The following CLEC16A variants were observed in gnomAD, a reference collection of about 807,000 sequenced individuals.
The protein encoded by CLEC16A is protein CLEC16A.
In CLEC16A, 51 loss-of-function variants were observed where a neutral mutation model predicts 109.5. The observed-to-expected ratio is 0.47, with a 90% CI of 0.37 to 0.59. The LOEUF (loss-of-function observed/expected upper bound fraction) is 0.59, where lower values mean the gene tolerates loss of function less well. Ranked by LOEUF, CLEC16A falls within the 20% of genes least tolerant of loss-of-function variation. The pLI is 0.00. For synonymous variants in CLEC16A, 673 were observed against 564.2 expected, an observed-to-expected ratio of 1.19 and a Z score of -2.73; for missense variants, 1,339 against 1,394.0, an observed-to-expected ratio of 0.96 and a Z score of 0.63.
intron 20 of CLEC16A, among the ~76,000 whole-genome samples, chr16:11,123,275 A>G (rs972812076): frequency 1.5e-4 from 23 of 152,188 alleles, no homozygotes; most frequent in African/African-American, 5.1e-4. Flanking sequence ...ATGGTTGCCA[A>G]CGATGTCCCC....
In CLEC16A at chr16:10,959,813, G is replaced by C. The variant is rs147947599; in HGVS notation, c.209+1903G>C. On this transcript the variant is annotated intron_variant, in intron 2 of 23. Transcript: ENST00000409790. ...TTTTTTTTAGAGACAGGGTCTTGCT[G>C]TGTTGCCAGGGCTGGTCTCAAACTC... is the stretch of plus-strand genomic sequence containing the variant. Among the ~76,000 whole-genome samples, 5 of 150,940 alleles carry C rather than the reference G, an allele frequency of 3.3e-5. No individual in the cohort carries two copies. In the East Asian group the frequency reaches 9.7e-4, roughly 29 times the overall value.
At chr16:11,075,185 C>T (rs1380299345) in intron 19 of CLEC16A, among the ~76,000 whole-genome samples, 1 of 152,132 alleles carries the variant, frequency 6.6e-6, no homozygotes, top group Non-Finnish European at 1.5e-5. Context: ...GGAAATGGGA[C>T]CATGGTTTTG....
intron 20 of CLEC16A, among the ~76,000 whole-genome samples, chr16:11,122,314 A>T (rs2052480296): frequency 6.6e-6 from 1 of 152,252 alleles, no homozygotes; most frequent in South Asian, 2.1e-4. Context: ...CATTTAAAAG[A>T]AACACTCCAT....
At chr16:10,982,845 T>C (rs764425277) in intron 9 of CLEC16A, 33 bp from the exon 10 acceptor site, 3 of 1,299,472 alleles carry the variant, frequency 2.3e-6, no homozygotes, top group Non-Finnish European at 3.3e-6. Context: ...CCGCACACTT[T>C]CATGCAAATC....
At chr16:10,947,896 C>G (rs186062758) in intron 1 of CLEC16A, among the ~76,000 whole-genome samples, 1 of 146,988 alleles carries the variant, frequency 6.8e-6, no homozygotes, top group Non-Finnish European at 1.5e-5. Context: ...TGGAAACCCT[C>G]TTCTTTTTTT....
chr16:11,022,847 C>T (rs920119236), intron 12 of CLEC16A, among the ~76,000 whole-genome samples: 4 of 149,818 alleles, frequency 2.7e-5, no homozygotes, highest in Admixed American at 1.3e-4. Context: ...TGCAGTGAGC[C>T]GAGATCACAC....
At chr16:10,949,389 C>T (rs1467060521) in intron 1 of CLEC16A, among the ~76,000 whole-genome samples, 1 of 152,070 alleles carries the variant, frequency 6.6e-6, no homozygotes, top group Admixed American at 6.6e-5. Flanking sequence ...GTTAGGCAGA[C>T]GCTGTTTAAA....
At chr16:11,081,242 A>G (rs2049697813) in intron 19 of CLEC16A, among the ~76,000 whole-genome samples, 2 of 152,078 alleles carry the variant, frequency 1.3e-5, no homozygotes, top group Non-Finnish European at 1.5e-5. Flanking sequence ...AGAAACAGCA[A>G]CCTTTTGTCC....
At position 11,178,971 on chromosome 16, in the gene CLEC16A, G is replaced by A. The variant is rs2068875380; in HGVS notation, c.*281G>A. The A allele has an allele frequency of 5.2e-6, 2 of 383,274 alleles. No individual in the cohort carries two copies. 23.7% of individuals were successfully genotyped at this position (383,274 alleles called of 1,614,324 possible). A position where few individuals can be genotyped will look rare whatever the true frequency, so the allele number is the denominator to read the frequency against. ...ACTCAGGGAGCTGCCTGGGCTCCGT[G>A]TCTCTGAGCCCCGGGTGGCAGGACC... On this transcript the variant is annotated 3_prime_UTR_variant, in exon 24 of 24. Transcript: ENST00000409790. This position sits in a 1 kb window ranked among gnomAD's most constrained non-coding sequence, Gnocchi z 6.5.
chr16:11,170,774 A>G (rs1423238164), intron 23 of CLEC16A, among the ~76,000 whole-genome samples: 1 of 152,228 alleles, frequency 6.6e-6, no homozygotes, highest in Non-Finnish European at 1.5e-5. Flanking sequence ...TGTGGCAAAA[A>G]GCATGATCTT....
At chr16:11,119,544 C>T (rs1488538792) in intron 19 of CLEC16A, among the ~76,000 whole-genome samples, 1 of 152,104 alleles carries the variant, frequency 6.6e-6, no homozygotes. Context: ...GTGTGGGCCA[C>T]CACACTCAAC....
rs1047734811 is a variant in CLEC16A, at chr16:10,962,524, G to A, written c.279G>A (p.Val93=). ...TGCGGCAAAAGTCGGGCCGTTACGT[G>A]TGCGTTCAGCTGCTGCAGACCTTGA... ...NILRQKSGRY[V]CVQLLQTLNI... is the part of the protein sequence containing the mutation. Residue 93 remains valine, a synonymous_variant, in exon 3 of 24, where the codon GTG becomes GTA. Transcript: ENST00000409790. The A allele has an allele frequency of 2.5e-6, 4 of 1,613,910 alleles. No individual in the cohort carries two copies. Among genetic ancestry groups the A allele is most frequent in the Admixed American group, 1.7e-5 (1 of 60,018 alleles).
rs750849576 is a variant in CLEC16A at position 11,125,994 on chromosome 16, C to T, written c.2489C>T (p.Pro830Leu). Reference protein sequence around the residue: ...MQRIAALLDLPIQPTTEVLGF... With the variant: ...MQRIAALLDLLIQPTTEVLGF... Reference sequence around the variant, plus strand: ...TTGACCGTAGCCCTCCTGGACCTCCCAATCCAGCCCACCACTGAAGTCCTG... The same window carrying T: ...TTGACCGTAGCCCTCCTGGACCTCCTAATCCAGCCCACCACTGAAGTCCTG... The change falls in exon 22 of 24, where the codon CCA becomes CTA. Residue 830 changes from proline to leucine, a missense_variant. Transcript: ENST00000409790. 1 of 1,611,264 alleles carries T rather than the reference C, an allele frequency of 6.2e-7. No homozygotes were observed. Among genetic ancestry groups the T allele is most frequent in the Non-Finnish European group, 8.5e-7 (1 of 1,179,296 alleles).
At position 11,020,303 on chromosome 16, in the gene CLEC16A, T is replaced by C; in HGVS notation, c.1414T>C (p.Ser472Pro). 6.2e-7 allele frequency: 1 copy of C among 1,612,528 alleles called. No homozygotes were observed. Among genetic ancestry groups the C allele is most frequent in the Non-Finnish European group, 8.5e-7 (1 of 1,179,270 alleles). ...GGAGAAAAGCGCCGCCGCCACCTGCTCTGAGAGCACGCAATGGAGCAGGTA... is the reference window on the plus strand; with the variant it reads ...GGAGAAAAGCGCCGCCGCCACCTGCCCTGAGAGCACGCAATGGAGCAGGTA... ...DEEKSAAATC[S>P]ESTQWSRPFL... Residue 472 changes from serine (S) to proline (P), a missense_variant, in exon 12 of 24, where the codon TCT becomes CCT. Around this residue, in one of 3 missense-constraint regions of CLEC16A, gnomAD observed 1,061 missense variants for 1,006.8 expected, o/e 1.05. Coordinates refer to ENST00000409790, the MANE Select transcript of CLEC16A (RefSeq NM_015226.3).
chr16:11,151,449 A>T (rs2054287597), intron 22 of CLEC16A, among the ~76,000 whole-genome samples: 1 of 152,192 alleles, frequency 6.6e-6, no homozygotes, highest in Non-Finnish European at 1.5e-5. Context: ...TCCTCTGCAC[A>T]TATGTGTGCG....
In CLEC16A at chr16:10,961,984, G is replaced by C. The variant is rs547946223; in HGVS notation, c.210-471G>C. Reference sequence around the variant, plus strand: ...CTTTTTTTTCTTTTTTTTTTTTTTGGCTCTGTCACCCAGGCTGGAGTGCAG... The same window carrying C: ...CTTTTTTTTCTTTTTTTTTTTTTTGCCTCTGTCACCCAGGCTGGAGTGCAG... On this transcript the variant is annotated intron_variant, in intron 2 of 23. Transcript: ENST00000409790. The surrounding 1 kb of genome is among the most constrained non-coding windows in gnomAD (Gnocchi z 4.3). 4.5e-5 allele frequency among the ~76,000 whole-genome samples: 5 copies of C among 110,534 alleles called. No individual in the cohort carries two copies. Among genetic ancestry groups the C allele is most frequent in the African/African-American group, 1.8e-4 (5 of 28,234 alleles). 72.5% of individuals were successfully genotyped at this position (110,534 alleles called of 152,430 possible).
rs567667468 is a variant in CLEC16A at position 10,987,503 on chromosome 16, G to A, written c.1071+4512G>A. Among the ~76,000 whole-genome samples, 7 of 152,274 alleles carry A rather than the reference G, an allele frequency of 4.6e-5. No individual in the cohort carries two copies. The South Asian group carries it at 1.5e-3, about 32-fold the overall frequency. On this transcript the variant is annotated intron_variant, in intron 10 of 23. Coordinates refer to ENST00000409790, the MANE Select transcript of CLEC16A (RefSeq NM_015226.3). ...GTGAGAGACACACAAACTGCCTTTG[G>A]GATGTAAGAGCCAGTTGTGGTGGAC...
chr16:10,972,803 CAG>C, intron 6 of CLEC16A, 133 bp from the exon 7 acceptor site: 1 of 951,466 alleles, frequency 1.1e-6, no homozygotes, highest in Admixed American at 3.0e-5. Context: ...CCAGGAAAGA[CAG>C]ACAATTTCAG....
chr16:11,156,491 G>A, intron 22 of CLEC16A: 2 of 748,994 alleles, frequency 2.7e-6, no homozygotes, highest in Non-Finnish European at 4.0e-6. Flanking sequence ...TCCTGATTCT[G>A]CTCCAGCTGG....
Sources: gnomAD v4.1 joint callset for allele counts (sites outside exome capture counted in the v4.1 genomes callset) on GRCh38, gnomAD v4.1.1 for gene constraint, gnomAD v4.1.1 regional missense constraint, Gnocchi (gnomAD v3.1) non-coding constraint, MANE v1.5 for transcripts, NCBI Gene and HGNC (gene_info 2026-07-23, HGNC 2026-07-21) for gene names.